The following OR2A12 variants were observed in gnomAD, a reference collection of about 807,000 sequenced individuals.
The protein encoded by OR2A12 is olfactory receptor family 2 subfamily A member 12, also known as olfactory receptor 2A12.
For missense variants in OR2A12, 380 were observed against 372.5 expected (o/e 1.02, Z -0.17); for synonymous variants, 153 against 149.3 (o/e 1.02, Z -0.18).
chr7:144,090,540 T>A (rs1289797248), intron 1 of OR2A12, among the ~76,000 whole-genome samples: 11 of 152,178 alleles, frequency 7.2e-5, no homozygotes, highest in African/African-American at 2.7e-4. Flanking sequence ...TTTTCTTCTT[T>A]TAACTTTTAA....
chr7:144,087,332 G>A (rs2051194230), intron 1 of OR2A12, among the ~76,000 whole-genome samples: 1 of 152,164 alleles, frequency 6.6e-6, no homozygotes, highest in African/African-American at 2.4e-5. Context: ...TCTTCTAATA[G>A]CAGAGAAGCC....
chr7:144,095,550 G>A lies in OR2A12; in HGVS notation c.443G>A (p.Trp148Ter), dbSNP rs550120659. 31 of 1,614,040 alleles carry A rather than the reference G, an allele frequency of 1.9e-5. No individual in the cohort carries two copies. The South Asian group carries it at 3.2e-4, about 17-fold the overall frequency. ...RVCTVLASTC[W>*]IFSFLLALVH... ...TGCACTGTCCTGGCCTCAACTTGCT[G>A]GATATTTAGCTTTCTCTTGGCTCTG... The change falls in exon 2 of 2, where the codon TGG (tryptophan) becomes TAG (stop). Residue 148 changes from tryptophan to a stop codon, truncating the protein, a stop_gained. Coordinates refer to ENST00000641592, the MANE Select transcript of OR2A12 (RefSeq NM_001004135.2). LOFTEE classifies it low-confidence loss of function (END_TRUNC).
At position 144,095,332 on chromosome 7, in the gene OR2A12, T is replaced by C; in HGVS notation, c.225T>C (p.Ser75=). The change falls in exon 2 of 2, where the codon AGT becomes AGC. Residue 75 remains serine, a synonymous_variant. Transcript: ENST00000641592. ...LAIVDMSYAS[S]TVPKMLANLV... ...TTGTGGACATGTCCTATGCCTCGAGTACTGTCCCTAAGATGCTAGCAAATC... is the reference window on the plus strand; with the variant it reads ...TTGTGGACATGTCCTATGCCTCGAGCACTGTCCCTAAGATGCTAGCAAATC... The C allele has an allele frequency of 6.2e-7, 1 of 1,613,708 alleles. No homozygotes were observed. The highest frequency in any genetic ancestry group is 2.2e-5 in the East Asian group (1 of 44,874).
intron 1 of OR2A12, among the ~76,000 whole-genome samples, chr7:144,092,806 A>G (rs530017466): frequency 4.1e-4 from 63 of 152,280 alleles, no homozygotes; most frequent in Non-Finnish European, 7.6e-4. Context: ...GTTCTTTTGT[A>G]GGAAATAAAT....
At chr7:144,094,110 G>A (rs1411908223) in intron 1 of OR2A12, among the ~76,000 whole-genome samples, 1 of 151,948 alleles carries the variant, frequency 6.6e-6, no homozygotes, top group African/African-American at 2.4e-5. Context: ...TGTTTATTAG[G>A]CAAATTTTGA....
intron 1 of OR2A12, among the ~76,000 whole-genome samples, chr7:144,090,601 G>T (rs916679799): frequency 5.3e-5 from 8 of 152,056 alleles, no homozygotes; most frequent in African/African-American, 1.9e-4. Flanking sequence ...CATGTCATAG[G>T]GTTTGTGGTA....
intron 1 of OR2A12, among the ~76,000 whole-genome samples, chr7:144,088,480 C>T (rs2051202404): frequency 6.6e-6 from 1 of 152,106 alleles, no homozygotes; most frequent in African/African-American, 2.4e-5. Flanking sequence ...TATTCTGGAC[C>T]TTCTGCATTT....
intron 1 of OR2A12, among the ~76,000 whole-genome samples, chr7:144,086,839 T>C (rs1336761170): frequency 1.3e-5 from 2 of 152,186 alleles, no homozygotes; most frequent in Non-Finnish European, 2.9e-5. Context: ...GGCAGAAGAC[T>C]GGCAGAAATG....
chr7:144,087,393 G>C (rs548260317), intron 1 of OR2A12, among the ~76,000 whole-genome samples: 1 of 152,286 alleles, frequency 6.6e-6, no homozygotes, highest in Admixed American at 6.5e-5. Flanking sequence ...TGTGTACCAA[G>C]AATGGTTGTC....
chr7:144,090,882 C>T (rs2051222937), intron 1 of OR2A12, among the ~76,000 whole-genome samples: 1 of 152,202 alleles, frequency 6.6e-6, no homozygotes. Context: ...TTCATGGCTG[C>T]ATAGTATTCC....
rs267601374 is a variant in OR2A12 at position 144,095,468 on chromosome 7, C to A, written c.361C>A (p.Arg121=). The change falls in exon 2 of 2, where the codon CGG becomes AGG. Residue 121 remains arginine, a synonymous_variant. Coordinates refer to ENST00000641592, the MANE Select transcript of OR2A12 (RefSeq NM_001004135.2). ...GATTTTGGTGATGATGTGCTATGATCGGTATGTGGCAATCTGTCACCCCTT... is the reference window on the plus strand; with the variant it reads ...GATTTTGGTGATGATGTGCTATGATAGGTATGTGGCAATCTGTCACCCCTT... ...CLILVMMCYD[R]YVAICHPLQY... The A allele has an allele frequency of 1.2e-5, 20 of 1,613,636 alleles. No individual in the cohort carries two copies. Among genetic ancestry groups the A allele is most frequent in the Non-Finnish European group, 1.6e-5 (19 of 1,179,722 alleles).
At chr7:144,088,166 C>A (rs1223412612) in intron 1 of OR2A12, among the ~76,000 whole-genome samples, 12 of 152,196 alleles carry the variant, frequency 7.9e-5, no homozygotes, top group African/African-American at 2.9e-4. Context: ...TGCCCAACAC[C>A]ACGCCCTCCT....
In OR2A12 at chr7:144,095,131, C is replaced by A. The variant is rs2051252264; in HGVS notation, c.24C>A (p.Ile8=). MESNQTW[I]TEVILLGFQV... is the part of the protein sequence containing the mutation. ...ACATGGAAAGCAATCAGACCTGGAT[C>A]ACAGAAGTCATCCTGTTGGGATTCC... is the stretch of plus-strand genomic sequence containing the variant. Residue 8 remains isoleucine, a synonymous_variant, in exon 2 of 2, where the codon ATC becomes ATA. Transcript: ENST00000641592. The A allele has an allele frequency of 6.2e-7, 1 of 1,610,278 alleles. No individual in the cohort carries two copies. The highest frequency in any genetic ancestry group is 8.5e-7 in the Non-Finnish European group (1 of 1,178,232).
chr7:144,098,103 A>C lies in OR2A12; in HGVS notation c.*2063A>C, dbSNP rs1312529701. Reference sequence around the variant, plus strand: ...TGATTTATCAGCTCTCAAGCAGTACATCCCCAAAGACCAGCATATTTCAGA... The same window carrying C: ...TGATTTATCAGCTCTCAAGCAGTACCTCCCCAAAGACCAGCATATTTCAGA... On this transcript the variant is annotated 3_prime_UTR_variant, in exon 2 of 2. Coordinates refer to ENST00000641592, the MANE Select transcript of OR2A12 (RefSeq NM_001004135.2). The C allele has an allele frequency of 2.0e-5, 3 of 152,216 alleles. No homozygotes were observed. In the East Asian group the frequency reaches 5.8e-4, roughly 29 times the overall value. 9.4% of individuals were successfully genotyped at this position (152,216 alleles called of 1,614,324 possible).
chr7:144,091,656 C>G (rs746479091), intron 1 of OR2A12, among the ~76,000 whole-genome samples: 1 of 151,862 alleles, frequency 6.6e-6, no homozygotes, highest in Non-Finnish European at 1.5e-5. Flanking sequence ...GCTTGTATGT[C>G]TCCTTTTGAA....
chr7:144,090,988 A>G (rs1247082009), intron 1 of OR2A12, among the ~76,000 whole-genome samples: 1 of 152,224 alleles, frequency 6.6e-6, no homozygotes, highest in South Asian at 2.1e-4. Context: ...GTGCTGCAGT[A>G]AATGTACATG....
intron 1 of OR2A12, among the ~76,000 whole-genome samples, chr7:144,088,085 C>T (rs1458416108): frequency 1.3e-5 from 2 of 152,228 alleles, no homozygotes; most frequent in African/African-American, 2.4e-5. Flanking sequence ...ACGATTTTGG[C>T]TCACTGCAAC....
intron 1 of OR2A12, among the ~76,000 whole-genome samples, chr7:144,091,567 A>T (rs959017259): frequency 2.0e-5 from 3 of 152,060 alleles, no homozygotes; most frequent in African/African-American, 7.2e-5. Context: ...CTGATGTGAG[A>T]TGATATCTCA....
intron 1 of OR2A12, among the ~76,000 whole-genome samples, chr7:144,089,422 G>A (rs573738720): frequency 4.2e-4 from 64 of 151,890 alleles, no homozygotes; most frequent in African/African-American, 1.5e-3. Flanking sequence ...GGCACATAAG[G>A]ATTTTGTAAC....
Sources: allele counts gnomAD v4.1 joint callset (sites outside exome capture counted in the v4.1 genomes callset), GRCh38; gene constraint gnomAD v4.1.1; transcripts MANE v1.5; gene names NCBI Gene and HGNC (gene_info 2026-07-23, HGNC 2026-07-21).